Variants in VWC2 observed in about 807,000 individuals in gnomAD.
The protein encoded by VWC2 is brorin.
Under a neutral mutation model 29.8 loss-of-function variants are expected in VWC2, and 14 were observed. The observed-to-expected ratio is 0.47, with a 90% confidence interval of 0.31 to 0.74. VWC2 has a LOEUF of 0.74. VWC2 is among the 30% of genes least tolerant of loss of function. The probability of loss-of-function intolerance (pLI) is 0.05; values close to 1 mark genes in which losing one functional copy is unlikely to be tolerated. For missense variants in VWC2, 457 were observed against 459.8 expected, an observed-to-expected ratio of 0.99 and a Z score of 0.05; for synonymous variants, 213 against 199.0, an observed-to-expected ratio of 1.07 and a Z score of -0.59.
chr7:49,859,097 A>C (rs563434187), intron 3 of VWC2, among the ~76,000 whole-genome samples: 2 of 152,344 alleles, frequency 1.3e-5, no homozygotes, highest in South Asian at 4.1e-4. Context: ...ATACTTATTT[A>C]GGAAGCATAC....
chr7:49,862,013 A>G (rs1433535096), intron 3 of VWC2, among the ~76,000 whole-genome samples: 2 of 152,212 alleles, frequency 1.3e-5, no homozygotes, highest in East Asian at 3.8e-4. Flanking sequence ...TTTCCATAAA[A>G]AATGGTTGTT....
At chr7:49,823,837 C>T (rs1369957643) in intron 3 of VWC2, among the ~76,000 whole-genome samples, 2 of 152,176 alleles carry the variant, frequency 1.3e-5, no homozygotes, top group African/African-American at 4.8e-5. Context: ...ATATGCATTT[C>T]CATAACCACC....
intron 1 of VWC2, 54 bp from the exon 2 acceptor site, chr7:49,775,279 G>A (rs1310311970): frequency 2.7e-6 from 1 of 365,562 alleles, no homozygotes; most frequent in Non-Finnish European, 4.5e-6. Context: ...GGCCGCGGCG[G>A]GCCGGGGCGC....
At chr7:49,853,714 T>C (rs540499247) in intron 3 of VWC2, among the ~76,000 whole-genome samples, 25 of 152,252 alleles carry the variant, frequency 1.6e-4, no homozygotes, top group African/African-American at 3.6e-4. Context: ...AAACATTTAA[T>C]TTTTTATTTT....
intron 3 of VWC2, among the ~76,000 whole-genome samples, chr7:49,831,710 T>C (rs1216738062): frequency 1.3e-5 from 2 of 152,168 alleles, no homozygotes; most frequent in African/African-American, 2.4e-5. Flanking sequence ...CTGGCAGTGA[T>C]AAGAAGCATT....
intron 2 of VWC2, among the ~76,000 whole-genome samples, chr7:49,779,596 TC>T (rs1305703789): frequency 6.6e-6 from 1 of 151,968 alleles, no homozygotes; most frequent in Non-Finnish European, 1.5e-5. Flanking sequence ...TTTTTTTTTT[TC>T]AGTAAAGGAA....
intron 3 of VWC2, among the ~76,000 whole-genome samples, chr7:49,822,224 T>C (rs534252777): frequency 2.6e-5 from 4 of 152,246 alleles, no homozygotes; most frequent in Non-Finnish European, 5.9e-5. Flanking sequence ...TTTGAAGTTT[T>C]AGAAAGTTGC....
chr7:49,777,287 CTG>C (rs1788073883), intron 2 of VWC2, among the ~76,000 whole-genome samples: 1 of 152,210 alleles, frequency 6.6e-6, no homozygotes, highest in African/African-American at 2.4e-5. Flanking sequence ...TGGAATTAGC[CTG>C]TGAGATCTGC....
Position 49,776,027 on chromosome 7 carries a change from C to G in VWC2, c.592C>G (p.Arg198Gly). 2 of 1,546,160 alleles carry G rather than the reference C, an allele frequency of 1.3e-6. No homozygotes were observed. Among genetic ancestry groups the G allele is most frequent in the Non-Finnish European group, 1.7e-6 (2 of 1,151,056 alleles). Residue 198 changes from arginine (R) to glycine (G), a missense_variant, in exon 2 of 4, where the codon CGC becomes GGC. By Grantham distance (125) the Arg-to-Gly change is moderately radical. Transcript: ENST00000340652. The part of the protein sequence containing the change: ...AQPECPRLHP[R>G]CIHVDTSQCC... ...GCCCGAGTGCCCGAGGCTGCACCCG[C>G]GCTGCATCCACGTCGACACGAGCCA...
At chr7:49,899,668 A>G (rs1169356226) in intron 3 of VWC2, among the ~76,000 whole-genome samples, 3 of 152,000 alleles carry the variant, frequency 2.0e-5, no homozygotes, top group African/African-American at 4.8e-5. Context: ...ATCAAAACAC[A>G]TGAGGCAAAA....
At chr7:49,787,535 C>T (rs1359050319) in intron 2 of VWC2, among the ~76,000 whole-genome samples, 2 of 152,168 alleles carry the variant, frequency 1.3e-5, no homozygotes, top group African/African-American at 4.8e-5. Context: ...GGGAAACAAG[C>T]CCCACCCGTG....
Position 49,825,354 on chromosome 7 carries a change from T to C in VWC2, c.826+22514T>C, listed in dbSNP as rs574603233. On this transcript the variant is annotated intron_variant, in intron 3 of 3. Transcript: ENST00000340652. ...AACATCTAGGCTCTCTTGGAGTCCA[T>C]TTCTTTAGTTTTTTCTCCTTCAGTA... Among the ~76,000 whole-genome samples, 97 of 152,216 alleles carry C rather than the reference T, an allele frequency of 6.4e-4. 1 individual carries two copies. The South Asian group carries it at 8.3e-3, about 13-fold the overall frequency.
chr7:49,811,964 T>C, intron 3 of VWC2, among the ~76,000 whole-genome samples: 1 of 152,220 alleles, frequency 6.6e-6, no homozygotes, highest in East Asian at 1.9e-4. Flanking sequence ...ACAAATGTAG[T>C]ATATCCATGT....
intron 3 of VWC2, among the ~76,000 whole-genome samples, chr7:49,823,716 T>C (rs1789322653): frequency 6.6e-6 from 1 of 152,196 alleles, no homozygotes; most frequent in South Asian, 2.1e-4. Context: ...TGACATCAAA[T>C]GTAGGTCAAA....
Position 49,775,845 on chromosome 7 carries a change from C to T in VWC2, c.410C>T (p.Pro137Leu), listed in dbSNP as rs780020277. The change falls in exon 2 of 4, where the codon CCC (proline) becomes CTC (leucine). Residue 137 changes from proline to leucine, a missense_variant. By Grantham distance (98) the Pro-to-Leu change is moderately conservative. This residue lies in a region of VWC2 where 272 missense variants were observed against 202.7 expected (regional missense o/e 1.34). Coordinates refer to ENST00000340652, the MANE Select transcript of VWC2 (RefSeq NM_198570.5). ...AQDAIGPELA[P>L]TPEPPEEYVY... ...GACGCGATTGGCCCGGAACTCGCGCCCACGCCCGAGCCACCCGAGGAGTAC... is the reference window on the plus strand; with the variant it reads ...GACGCGATTGGCCCGGAACTCGCGCTCACGCCCGAGCCACCCGAGGAGTAC... The T allele has an allele frequency of 1.9e-6, 3 of 1,550,898 alleles. No individual in the cohort carries two copies. In the East Asian group the frequency reaches 7.3e-5, roughly 38 times the overall value.
intron 3 of VWC2, among the ~76,000 whole-genome samples, chr7:49,806,936 T>A (rs1186892864): frequency 6.6e-6 from 1 of 152,178 alleles, no homozygotes. Flanking sequence ...AATATCAAAA[T>A]GAACAGTTGA....
At chr7:49,888,997 G>A (rs1792019529) in intron 3 of VWC2, among the ~76,000 whole-genome samples, 1 of 152,192 alleles carries the variant, frequency 6.6e-6, no homozygotes. Context: ...ATGACCCATT[G>A]GGCTGACGCA....
chr7:49,797,298 A>G (rs531376582), intron 2 of VWC2, among the ~76,000 whole-genome samples: 42 of 152,206 alleles, frequency 2.8e-4, no homozygotes, highest in Non-Finnish European at 5.0e-4. Flanking sequence ...TGAAACCATT[A>G]CAATTACTTG....
intron 3 of VWC2, among the ~76,000 whole-genome samples, chr7:49,812,417 T>G (rs1234028076): frequency 1.3e-5 from 2 of 152,196 alleles, no homozygotes; most frequent in African/African-American, 2.4e-5. Context: ...TTGATACACA[T>G]CCTTTATCTT....
Sources: allele counts gnomAD v4.1 joint callset (sites outside exome capture counted in the v4.1 genomes callset), GRCh38; gene constraint gnomAD v4.1.1; regional missense constraint gnomAD v4.1.1; transcripts MANE v1.5; gene names NCBI Gene and HGNC (gene_info 2026-07-23, HGNC 2026-07-21).